The following STOX2 variants were observed in gnomAD, a reference collection of about 807,000 sequenced individuals.
The protein encoded by STOX2 is storkhead-box protein 2.
A neutral mutation model predicts 60.9 loss-of-function variants in STOX2; 28 were observed. That is an observed-to-expected ratio of 0.46 (90% CI 0.34 to 0.63). STOX2 has a LOEUF of 0.63. Ranked by LOEUF, STOX2 falls within the 30% of genes least tolerant of loss-of-function variation. The pLI is 0.01. For synonymous variants in STOX2, 472 were observed against 463.9 expected (o/e 1.02, Z -0.22); for missense variants, 1,024 against 1,187.7 (o/e 0.86, Z 2.03).
chr4:183,873,254 C>T (rs1298725721), intron 1 of STOX2, among the ~76,000 whole-genome samples: 4 of 152,092 alleles, frequency 2.6e-5, no homozygotes, highest in African/African-American at 9.7e-5. Context: ...TCGAGACCAG[C>T]CTGACCAACA....
intron 1 of STOX2, among the ~76,000 whole-genome samples, chr4:183,949,657 C>T (rs915586665): frequency 6.6e-6 from 1 of 152,184 alleles, no homozygotes; most frequent in Admixed American, 6.5e-5. Context: ...CAGATCGTGC[C>T]ATTGTACTCC....
intron 1 of STOX2, among the ~76,000 whole-genome samples, chr4:183,920,410 CTTATTT>C (rs555596247): frequency 1.3e-5 from 2 of 152,236 alleles, no homozygotes; most frequent in South Asian, 4.1e-4. Context: ...ACCCAGCCTT[CTTATTT>C]TTAAGTAAAG....
chr4:183,993,359 C>T (rs1228345082), intron 1 of STOX2, among the ~76,000 whole-genome samples: 3 of 152,144 alleles, frequency 2.0e-5, no homozygotes, highest in Non-Finnish European at 4.4e-5. Flanking sequence ...CACAAAGGCC[C>T]GGGTGACGTG....
Position 184,009,725 on chromosome 4 carries a change from C to T in STOX2, c.887C>T (p.Pro296Leu). 6.2e-7 allele frequency: 1 copy of T among 1,613,718 alleles called. No individual in the cohort carries two copies. Among genetic ancestry groups the T allele is most frequent in the Non-Finnish European group, 8.5e-7 (1 of 1,179,812 alleles). ...FSAQFPPEEW[P>L]LRDEDTPATI... Reference sequence around the variant, plus strand: ...GCCCAGTTTCCTCCTGAAGAGTGGCCCCTGCGAGACGAGGACACGCCAGCT... The same window carrying T: ...GCCCAGTTTCCTCCTGAAGAGTGGCTCCTGCGAGACGAGGACACGCCAGCT... The change falls in exon 3 of 4, where the codon CCC becomes CTC. Residue 296 changes from proline to leucine, a missense_variant. Physicochemically the swap from Pro to Leu is moderately conservative, Grantham distance 98. Around this residue, in one of 3 missense-constraint regions of STOX2, gnomAD observed 922 missense variants for 1,058.3 expected, o/e 0.87. Transcript: ENST00000308497. The surrounding 1 kb of genome is among the most constrained non-coding windows in gnomAD (Gnocchi z 4.0).
intron 1 of STOX2, chr4:183,798,075 G>GCCCGT (rs1317123459): frequency 1.1e-5 from 13 of 1,226,338 alleles, no homozygotes; most frequent in Non-Finnish European, 1.3e-5. Flanking sequence ...ACCGCCGCGC[G>GCCCGT]CCCGTCCCGT....
intron 1 of STOX2, among the ~76,000 whole-genome samples, chr4:183,867,175 A>C (rs779793454): frequency 1.3e-5 from 2 of 152,182 alleles, no homozygotes; most frequent in Non-Finnish European, 2.9e-5. Flanking sequence ...CGCCCTCTCT[A>C]TTACCCATGT....
At chr4:183,888,774 A>G (rs906942807) in intron 1 of STOX2, among the ~76,000 whole-genome samples, 3 of 152,112 alleles carry the variant, frequency 2.0e-5, no homozygotes, top group African/African-American at 7.2e-5. Context: ...AAACATCTCA[A>G]GTGCTACCTT....
At chr4:183,903,797 T>C (rs1741516170), upstream of STOX2, among the ~76,000 whole-genome samples, 1 of 152,218 alleles carries the variant, frequency 6.6e-6, no homozygotes, top group Non-Finnish European at 1.5e-5. Context: ...CCAACCTTTT[T>C]CACACTGGGG....
chr4:184,005,457 CAAAA>C (rs60307441), intron 2 of STOX2, among the ~76,000 whole-genome samples: 1 of 59,282 alleles, frequency 1.7e-5, no homozygotes, highest in African/African-American at 4.6e-5. Context: ...GACGATATCT[CAAAA>C]AAAAAAAAAA....
In STOX2 at chr4:183,880,171, G is replaced by A. The variant is rs1380419152; in HGVS notation, c.364+82116G>A. 7.2e-5 allele frequency among the ~76,000 whole-genome samples: 11 copies of A among 152,052 alleles called. No homozygotes were observed. The South Asian group carries it at 1.0e-3, about 14-fold the overall frequency. Reference sequence around the variant, plus strand: ...TTTTTGTATTTTTTTAAGTAGAGACGGGGTATCACTGTATGTTGGCCAGGC... The same window carrying A: ...TTTTTGTATTTTTTTAAGTAGAGACAGGGTATCACTGTATGTTGGCCAGGC... On this transcript the variant is annotated intron_variant, in intron 1 of 2. Transcript: ENST00000513034.
intron 1 of STOX2, among the ~76,000 whole-genome samples, chr4:183,859,682 G>A (rs774369296): frequency 3.9e-5 from 6 of 152,246 alleles, no homozygotes; most frequent in Non-Finnish European, 8.8e-5. Context: ...TGCATGCAGG[G>A]AACTTGTTGT....
intron 1 of STOX2, among the ~76,000 whole-genome samples, chr4:183,915,090 C>A (rs186821487): frequency 1.1e-4 from 17 of 152,342 alleles, no homozygotes; most frequent in South Asian, 2.1e-4. Flanking sequence ...CTCCATTTAT[C>A]TTTCTACTTT....
chr4:183,995,169 G>A (rs1733275263), intron 1 of STOX2, among the ~76,000 whole-genome samples: 1 of 152,126 alleles, frequency 6.6e-6, no homozygotes, highest in Admixed American at 6.5e-5. Flanking sequence ...TGTTGTGAAA[G>A]TCATATCCCA....
At chr4:183,901,746 T>C (rs1435240150), upstream of STOX2, among the ~76,000 whole-genome samples, 1 of 152,170 alleles carries the variant, frequency 6.6e-6, no homozygotes, top group Non-Finnish European at 1.5e-5. Context: ...CGCAGAAATC[T>C]CTATTCAAGT....
At chr4:183,948,243 A>AAC (rs1742959370) in intron 1 of STOX2, among the ~76,000 whole-genome samples, 1 of 149,874 alleles carries the variant, frequency 6.7e-6, no homozygotes, top group Non-Finnish European at 1.5e-5. Flanking sequence ...AAAAAAAAAA[A>AAC]ACACGAAAAA....
intron 1 of STOX2, among the ~76,000 whole-genome samples, chr4:183,849,789 T>G (rs1367801062): frequency 6.6e-6 from 1 of 152,148 alleles, no homozygotes; most frequent in Non-Finnish European, 1.5e-5. Flanking sequence ...TTTTTGTGTA[T>G]GCACCATGAA....
chr4:183,827,876 CAAAAAA>C (rs59675177), intron 1 of STOX2, among the ~76,000 whole-genome samples: 1 of 99,230 alleles, frequency 1.0e-5, no homozygotes, highest in African/African-American at 3.6e-5. Flanking sequence ...AATCCTGCCT[CAAAAAA>C]AAAAAAAAAA....
exon 1 of STOX2, chr4:183,798,029 C>T (rs1460283381): frequency 8.9e-6 from 11 of 1,229,528 alleles, no homozygotes; most frequent in Non-Finnish European, 1.0e-6. Context: ...CTGCGGCCGC[C>T]CTCGGGCTTC....
intron 1 of STOX2, among the ~76,000 whole-genome samples, chr4:183,812,776 C>T (rs565002719): frequency 1.3e-5 from 2 of 152,304 alleles, no homozygotes; most frequent in Non-Finnish European, 2.9e-5. Context: ...GCCCTGACCC[C>T]ATGTACTCAA....
Sources: gnomAD v4.1 joint callset for allele counts (sites outside exome capture counted in the v4.1 genomes callset) on GRCh38, gnomAD v4.1.1 for gene constraint, gnomAD v4.1.1 regional missense constraint, Gnocchi (gnomAD v3.1) non-coding constraint, MANE v1.5 for transcripts, NCBI Gene and HGNC (gene_info 2026-07-23, HGNC 2026-07-21) for gene names.